The following INSR variants were observed in gnomAD, a reference collection of about 807,000 sequenced individuals.
INSR encodes IR.
A neutral mutation model predicts 142.6 loss-of-function variants in INSR; 67 were observed. That is an observed-to-expected ratio of 0.47 (90% CI 0.39 to 0.58). The LOEUF (loss-of-function observed/expected upper bound fraction) is 0.58. Among genes scored for constraint, INSR ranks in the 20% least tolerant of loss-of-function variants. The probability of loss-of-function intolerance (pLI) is 0.00; values close to 1 mark genes in which losing one functional copy is unlikely to be tolerated. For missense variants in INSR, 1,248 were observed against 1,833.2 expected (o/e 0.68, Z 5.83); for synonymous variants, 756 against 743.1 (o/e 1.02, Z -0.28).
chr19:7,126,894 GT>G (rs1348144076), intron 15 of INSR, among the ~76,000 whole-genome samples: 2 of 151,114 alleles, frequency 1.3e-5, no homozygotes, highest in African/African-American at 4.9e-5. Flanking sequence ...TTTTTGTTTT[GT>G]TTTTGTTTTT....
chr19:7,244,930 G>GTTTTTTTTTTTTTTTTTTTTTT (rs1976485745), intron 2 of INSR, among the ~76,000 whole-genome samples: 1 of 103,720 alleles, frequency 9.6e-6, no homozygotes. Flanking sequence ...TTTTGTTTTT[G>GTTTTTTTTTTTTTTTTTTTTTT]CTTTTTTTTT....
chr19:7,122,810 C>T (rs765315786), intron 18 of INSR, 37 bp from the exon 19 acceptor site: 113 of 1,613,914 alleles, frequency 7.0e-5, no homozygotes, highest in Non-Finnish European at 9.6e-5. Context: ...TTCAGCAGCA[C>T]TGGGATCCGA....
At chr19:7,284,761 C>A (rs1968302222) in intron 1 of INSR, among the ~76,000 whole-genome samples, 1 of 152,108 alleles carries the variant, frequency 6.6e-6, no homozygotes, top group South Asian at 2.1e-4. Context: ...ATCTCCTGAC[C>A]TCGTGATCCA....
At chr19:7,266,680 C>T (rs901755950) in intron 2 of INSR, among the ~76,000 whole-genome samples, 9 of 152,138 alleles carry the variant, frequency 5.9e-5, no homozygotes, top group Non-Finnish European at 1.3e-4. Flanking sequence ...CCACCGTGCC[C>T]GGCCTGGAAA....
rs763605469 is a variant in INSR, at chr19:7,119,631, C to A, written c.3660-48G>T. On this transcript the variant is annotated intron_variant, in intron 20 of 21. Coordinates refer to ENST00000302850, the MANE Select transcript of INSR (RefSeq NM_000208.4). The surrounding 1 kb of genome is among the most constrained non-coding windows in gnomAD (Gnocchi z 5.2). ...GTAACAAAGAAGCCATTTAGACACACACACACACGCGCGCGCGCAAACACA... is the reference window on the plus strand; with the variant it reads ...GTAACAAAGAAGCCATTTAGACACAAACACACACGCGCGCGCGCAAACACA... 2 of 1,608,692 alleles carry A rather than the reference C, an allele frequency of 1.2e-6. No homozygotes were observed. Among genetic ancestry groups the A allele is most frequent in the Non-Finnish European group, 8.5e-7 (1 of 1,178,186 alleles).
chr19:7,176,708 T>C (rs1467464998), intron 3 of INSR, among the ~76,000 whole-genome samples: 1 of 152,338 alleles, frequency 6.6e-6, no homozygotes, highest in East Asian at 1.9e-4. Context: ...GTAAGTTTCC[T>C]GAGGTCTCCC....
chr19:7,172,488 T>C lies in INSR; in HGVS notation c.1124-54A>G, dbSNP rs1974041176. The C allele has an allele frequency of 2.5e-6, 4 of 1,574,988 alleles. 1 individual carries two copies. The South Asian group carries it at 3.3e-5, about 13-fold the overall frequency. ...TTTCTATAGACATATTTCAATCTTC[T>C]CATGATTCTCCATGGTGAGAAGATA... is the stretch of plus-strand genomic sequence containing the variant. On this transcript the variant is annotated intron_variant, in intron 4 of 21. Transcript: ENST00000302850.
At chr19:7,179,864 A>G (rs1295267126) in intron 3 of INSR, among the ~76,000 whole-genome samples, 1 of 152,138 alleles carries the variant, frequency 6.6e-6, no homozygotes, top group Non-Finnish European at 1.5e-5. Context: ...CAAGAAGTGG[A>G]GTCTATGTTC....
At chr19:7,123,165 T>C (rs909296221) in intron 17 of INSR, 176 bp from the exon 18 acceptor site, 7 of 609,180 alleles carry the variant, frequency 1.1e-5, no homozygotes, top group Non-Finnish European at 2.0e-5. Context: ...GATAGGCCTT[T>C]GTATTTTTTT....
At chr19:7,269,994 G>A (rs921245247) in intron 1 of INSR, among the ~76,000 whole-genome samples, 7 of 151,974 alleles carry the variant, frequency 4.6e-5, no homozygotes, top group African/African-American at 9.7e-5. Context: ...GTGGAGTCTC[G>A]TTCTGTTGCC....
chr19:7,244,986 A>G (rs1166177850), intron 2 of INSR, among the ~76,000 whole-genome samples: 1 of 127,524 alleles, frequency 7.8e-6, no homozygotes, highest in Non-Finnish European at 1.6e-5. Context: ...CCCAGGCTGG[A>G]GTGCAGTGGC....
chr19:7,200,758 G>C (rs879259875), intron 2 of INSR, among the ~76,000 whole-genome samples: 1 of 151,338 alleles, frequency 6.6e-6, no homozygotes, highest in African/African-American at 2.4e-5. Flanking sequence ...TACTTGGGAA[G>C]CTGAGGCAGA....
At chr19:7,238,825 A>G (rs1976245141) in intron 2 of INSR, among the ~76,000 whole-genome samples, 3 of 151,842 alleles carry the variant, frequency 2.0e-5, no homozygotes, top group Admixed American at 6.6e-5. Flanking sequence ...TCAATCAGGA[A>G]GGGGTGGGCT....
chr19:7,291,957 T>C (rs1968503183), intron 1 of INSR, among the ~76,000 whole-genome samples: 1 of 151,678 alleles, frequency 6.6e-6, no homozygotes, highest in Admixed American at 6.6e-5. Flanking sequence ...CACGCCCGGC[T>C]AATTTTTTCT....
At chr19:7,279,642 A>G (rs939930931) in intron 1 of INSR, among the ~76,000 whole-genome samples, 1 of 151,768 alleles carries the variant, frequency 6.6e-6, no homozygotes, top group Admixed American at 6.6e-5. Context: ...ACGCAGTGAC[A>G]ACAGGTGATA....
intron 2 of INSR, among the ~76,000 whole-genome samples, chr19:7,264,192 C>A (rs1977152269): frequency 6.7e-6 from 1 of 148,498 alleles, no homozygotes; most frequent in South Asian, 2.1e-4. Flanking sequence ...AAAAAAGTAG[C>A]CGGATGTGGT....
At chr19:7,268,994 T>C (rs1300972368) in intron 1 of INSR, among the ~76,000 whole-genome samples, 7 of 151,234 alleles carry the variant, frequency 4.6e-5, no homozygotes, top group South Asian at 2.1e-4. Flanking sequence ...TTTTTCAAAA[T>C]TGAAGTCTTT....
intron 2 of INSR, among the ~76,000 whole-genome samples, chr19:7,250,741 G>A (rs562483827): frequency 2.0e-5 from 3 of 152,132 alleles, no homozygotes; most frequent in South Asian, 2.1e-4. Context: ...ATGTGCAAAC[G>A]AACAGCATCA....
chr19:7,197,148 G>A (rs767250315), intron 2 of INSR, among the ~76,000 whole-genome samples: 1 of 152,236 alleles, frequency 6.6e-6, no homozygotes, highest in Non-Finnish European at 1.5e-5. Context: ...TCCTTGAAGC[G>A]GGGAAGCGCC....
Sources: gnomAD v4.1 joint callset for allele counts (sites outside exome capture counted in the v4.1 genomes callset) on GRCh38, gnomAD v4.1.1 for gene constraint, Gnocchi (gnomAD v3.1) non-coding constraint, MANE v1.5 for transcripts, NCBI Gene and HGNC (gene_info 2026-07-23, HGNC 2026-07-21) for gene names.